Variants in KAZN observed in about 807,000 individuals in gnomAD.
KAZN encodes kazrin.
A neutral mutation model predicts 87.4 loss-of-function variants in KAZN; 40 were observed. The ratio of observed to expected loss-of-function variants is 0.46; its 90% CI spans 0.36 to 0.60. The LOEUF (loss-of-function observed/expected upper bound fraction) is 0.60. KAZN is among the 20% of genes least tolerant of loss of function. The pLI is 0.00. For missense variants in KAZN, 898 were observed against 1,073.9 expected, an observed-to-expected ratio of 0.84 and a Z score of 2.29; for synonymous variants, 466 against 458.3, an observed-to-expected ratio of 1.02 and a Z score of -0.22.
At chr1:14,444,544 C>T (rs745680110) in intron 2 of KAZN, among the ~76,000 whole-genome samples, 3 of 152,058 alleles carry the variant, frequency 2.0e-5, no homozygotes, top group Non-Finnish European at 2.9e-5. Context: ...AACTCCTAAC[C>T]TCAGGTGATC....
At chr1:14,532,581 T>C (rs1672267855) in intron 2 of KAZN, among the ~76,000 whole-genome samples, 1 of 150,138 alleles carries the variant, frequency 6.7e-6, no homozygotes, top group Non-Finnish European at 1.5e-5. Context: ...AACTGGTCAT[T>C]TAGCATTAGG....
chr1:14,740,480 A>G (rs1447103848), intron 1 of KAZN, among the ~76,000 whole-genome samples: 1 of 152,080 alleles, frequency 6.6e-6, no homozygotes, highest in East Asian at 1.9e-4. Flanking sequence ...GGATTATGAC[A>G]GCTGCCAACT....
chr1:15,107,124 C>T (rs1641322153), intron 13 of KAZN, among the ~76,000 whole-genome samples: 1 of 152,182 alleles, frequency 6.6e-6, no homozygotes, highest in Non-Finnish European at 1.5e-5. Flanking sequence ...GATCTCTCTC[C>T]CCTGGGATCT....
At chr1:14,064,300 A>G (rs1287848308) in intron 1 of KAZN, among the ~76,000 whole-genome samples, 1 of 152,164 alleles carries the variant, frequency 6.6e-6, no homozygotes, top group Non-Finnish European at 1.5e-5. Flanking sequence ...TGACAGCGAC[A>G]TCAAGGCTTT....
intron 1 of KAZN, among the ~76,000 whole-genome samples, chr1:13,908,935 C>G (rs189189156): frequency 6.6e-6 from 1 of 152,116 alleles, no homozygotes; most frequent in African/African-American, 2.4e-5. Flanking sequence ...AGAGTAAGTA[C>G]GAGGCTACTC....
At chr1:14,852,015 C>T (rs1649507542) in intron 1 of KAZN, among the ~76,000 whole-genome samples, 1 of 152,220 alleles carries the variant, frequency 6.6e-6, no homozygotes, top group South Asian at 2.1e-4. Flanking sequence ...AGTCATATCT[C>T]AGCTCCTCCC....
At chr1:14,388,670 C>T (rs1662161010) in intron 2 of KAZN, among the ~76,000 whole-genome samples, 2 of 152,084 alleles carry the variant, frequency 1.3e-5, no homozygotes, top group African/African-American at 2.4e-5. Flanking sequence ...AACTAGACCC[C>T]TATCTCTAAA....
At chr1:14,285,912 T>C (rs1280857389) in intron 2 of KAZN, among the ~76,000 whole-genome samples, 11 of 152,192 alleles carry the variant, frequency 7.2e-5, no homozygotes, top group Non-Finnish European at 1.6e-4. Flanking sequence ...CGTGGGCCTG[T>C]CTGTGGGCTT....
intron 1 of KAZN, among the ~76,000 whole-genome samples, chr1:14,904,466 C>G (rs1656277957): frequency 6.6e-6 from 1 of 152,190 alleles, no homozygotes; most frequent in African/African-American, 2.4e-5. Flanking sequence ...CTACCCAGTT[C>G]CAAACAAGAG....
Position 15,044,103 on chromosome 1 carries a change from T to C in KAZN, c.670T>C (p.Ser224Pro). The C allele has an allele frequency of 6.2e-7, 1 of 1,612,154 alleles. No individual in the cohort carries two copies. Among genetic ancestry groups the C allele is most frequent in the Non-Finnish European group, 8.5e-7 (1 of 1,179,438 alleles). ...CACAGACCACGCCACGGCACTGCGC[T>C]CCCAGCTGGACCTCAAGGACAACCG... ...EATDHATALR[S>P]QLDLKDNRMK... Residue 224 changes from serine to proline, a missense_variant, in exon 4 of 15, where the codon TCC becomes CCC. Transcript: ENST00000376030.
At chr1:14,712,876 C>T (rs1358850622) in intron 1 of KAZN, among the ~76,000 whole-genome samples, 2 of 152,356 alleles carry the variant, frequency 1.3e-5, no homozygotes, top group South Asian at 2.1e-4. Context: ...CTTTCTCACA[C>T]ACCACAATAA....
chr1:14,192,093 G>A (rs1486802654), intron 2 of KAZN, among the ~76,000 whole-genome samples: 3 of 152,134 alleles, frequency 2.0e-5, no homozygotes, highest in African/African-American at 7.2e-5. Flanking sequence ...AATGTGTGTG[G>A]CCTGAGCCAA....
chr1:14,556,235 G>A (rs888127320), intron 2 of KAZN, among the ~76,000 whole-genome samples: 4 of 150,912 alleles, frequency 2.7e-5, no homozygotes, highest in Non-Finnish European at 4.4e-5. Flanking sequence ...TCAGCCTCCC[G>A]AGTAGCTGGG....
chr1:14,365,293 C>T (rs568802949), intron 2 of KAZN, among the ~76,000 whole-genome samples: 12 of 151,864 alleles, frequency 7.9e-5, no homozygotes, highest in Middle Eastern at 3.4e-3. Context: ...ATGATCCGCC[C>T]GCCTCGGCCT....
At chr1:14,597,150 G>C (rs966679727), upstream of KAZN, among the ~76,000 whole-genome samples, 7 of 152,202 alleles carry the variant, frequency 4.6e-5, no homozygotes, top group Non-Finnish European at 5.9e-5. Flanking sequence ...GCAGTTCTAA[G>C]TGCCTTGGTT....
intron 1 of KAZN, among the ~76,000 whole-genome samples, chr1:13,996,469 C>G (rs867226640): frequency 2.0e-5 from 3 of 152,286 alleles, no homozygotes; most frequent in South Asian, 2.1e-4. Flanking sequence ...GGGCAGCATT[C>G]ATCTCTATAG....
At chr1:15,007,115 T>C (rs1334337086) in intron 2 of KAZN, among the ~76,000 whole-genome samples, 1 of 148,162 alleles carries the variant, frequency 6.7e-6, no homozygotes, top group Non-Finnish European at 1.5e-5. Flanking sequence ...TGATTGATGA[T>C]ACTCATAATA....
rs373501134 is a variant in KAZN at position 14,621,045 on chromosome 1, TC to T, written c.226+21824del. ...GCTGGCCACAGAGCAGATAGGCAGC[TC>T]CAAGGAGGGGACATTTTCCTGGAGC... On this transcript the variant is annotated intron_variant, in intron 1 of 14. Coordinates refer to ENST00000376030, the MANE Select transcript of KAZN (RefSeq NM_201628.3). Among the ~76,000 whole-genome samples the T allele has an allele frequency of 5.0e-3, 763 of 152,214 alleles. 13 individuals carry two copies. Among genetic ancestry groups the T allele is most frequent in the African/African-American group, 0.018 (731 of 41,542 alleles).
At position 14,553,893 on chromosome 1, in the gene KAZN, C is replaced by T. The variant is rs140474017; in HGVS notation, c.250-45090C>T. On this transcript the variant is annotated intron_variant, in intron 2 of 16. Coordinates refer to the KAZN transcript ENST00000636203. ...GATTTAATCAGTCCAGCGTAGGTTC[C>T]GGGCATTGGTATGTTTTAAAAAGCA... Among the ~76,000 whole-genome samples, 505 of 152,210 alleles carry T rather than the reference C, an allele frequency of 3.3e-3. 1 individual carries two copies. The highest frequency in any genetic ancestry group is 0.017 in the Middle Eastern group (5 of 294).
Sources: gnomAD v4.1 joint callset for allele counts (sites outside exome capture counted in the v4.1 genomes callset) on GRCh38, gnomAD v4.1.1 for gene constraint, MANE v1.5 for transcripts, NCBI Gene and HGNC (gene_info 2026-07-23, HGNC 2026-07-21) for gene names.